The following PLPPR1 variants were observed in gnomAD, a reference collection of about 807,000 sequenced individuals.
PLPPR1 encodes phospholipid phosphatase related 1.
Under a neutral mutation model 33.1 loss-of-function variants are expected in PLPPR1, and 10 were observed. That is an observed-to-expected ratio of 0.30 (90% CI 0.19 to 0.51). The LOEUF is 0.51. Among genes scored for constraint, PLPPR1 ranks in the 20% least tolerant of loss-of-function variants. The pLI, the probability that PLPPR1 is intolerant of heterozygous loss-of-function variation, is 0.97. For missense variants in PLPPR1, 304 were observed against 408.1 expected (o/e 0.74, Z 2.20); for synonymous variants, 151 against 151.0 (o/e 1.00, Z 0.00).
intron 1 of PLPPR1, among the ~76,000 whole-genome samples, chr9:101,069,765 C>T (rs1830461444): frequency 6.6e-6 from 1 of 152,102 alleles, no homozygotes; most frequent in Admixed American, 6.6e-5. Flanking sequence ...TCAGCATCAT[C>T]TGGAAATTTG....
intron 4 of PLPPR1, among the ~76,000 whole-genome samples, chr9:101,294,114 G>C (rs1270952582): frequency 6.6e-6 from 1 of 152,062 alleles, no homozygotes; most frequent in Admixed American, 6.5e-5. Flanking sequence ...AAATGATAAA[G>C]GGGATATCAC....
intron 1 of PLPPR1, among the ~76,000 whole-genome samples, chr9:101,164,370 T>C (rs1177435239): frequency 3.3e-5 from 5 of 151,600 alleles, no homozygotes; most frequent in Admixed American, 1.3e-4. Flanking sequence ...CTTTTCTTTT[T>C]TTTTTTTTCT....
intron 2 of PLPPR1, among the ~76,000 whole-genome samples, chr9:101,258,519 A>C (rs1264162532): frequency 1.3e-5 from 2 of 152,216 alleles, no homozygotes; most frequent in Non-Finnish European, 2.9e-5. Flanking sequence ...AGTTTAACGA[A>C]AGATATAGCG....
intron 1 of PLPPR1, among the ~76,000 whole-genome samples, chr9:101,119,190 C>T (rs1049228378): frequency 2.0e-5 from 3 of 152,216 alleles, no homozygotes; most frequent in Admixed American, 6.5e-5. Context: ...ATGTTTAGTA[C>T]ATGAAAGGCG....
At chr9:101,263,465 T>C (rs986002040) in intron 2 of PLPPR1, among the ~76,000 whole-genome samples, 4 of 152,224 alleles carry the variant, frequency 2.6e-5, no homozygotes, top group Non-Finnish European at 5.9e-5. Context: ...GCTTACTTTA[T>C]TTGATGAAAG....
At chr9:101,157,471 G>C (rs532005775) in intron 1 of PLPPR1, among the ~76,000 whole-genome samples, 1 of 152,116 alleles carries the variant, frequency 6.6e-6, no homozygotes, top group Non-Finnish European at 1.5e-5. Context: ...CATCAATCCT[G>C]AATATGTGGA....
chr9:101,034,235 G>A (rs1029180415), intron 1 of PLPPR1, among the ~76,000 whole-genome samples: 1 of 152,064 alleles, frequency 6.6e-6, no homozygotes, highest in South Asian at 2.1e-4. Context: ...CAGGAGAGGA[G>A]AGAGAGAGGA....
intron 2 of PLPPR1, among the ~76,000 whole-genome samples, chr9:101,246,091 TATATATATATATATATATAG>T (rs1827602123): frequency 7.3e-5 from 8 of 110,102 alleles, no homozygotes; most frequent in Non-Finnish European, 1.2e-4. Context: ...TATATATATA[TATATATATATATATATATAG>T]ATAGATAGAT....
intron 1 of PLPPR1, among the ~76,000 whole-genome samples, chr9:101,078,093 A>G (rs956571276): frequency 7.8e-4 from 43 of 55,478 alleles, no homozygotes; most frequent in East Asian, 1.3e-3. Flanking sequence ...GGAGGAGGAG[A>G]AGGAGAAGGA....
At chr9:101,140,699 A>G (rs560062374) in intron 1 of PLPPR1, among the ~76,000 whole-genome samples, 1 of 152,332 alleles carries the variant, frequency 6.6e-6, no homozygotes, top group East Asian at 1.9e-4. Flanking sequence ...GAATAGGGAT[A>G]AAAAGATAAT....
At chr9:101,123,019 G>A (rs1005364649) in intron 1 of PLPPR1, among the ~76,000 whole-genome samples, 8 of 152,192 alleles carry the variant, frequency 5.3e-5, no homozygotes, top group Non-Finnish European at 7.3e-5. Context: ...CATCGGTATG[G>A]TAGATTCACC....
intron 1 of PLPPR1, among the ~76,000 whole-genome samples, chr9:101,155,133 G>C (rs1195936093): frequency 6.6e-6 from 1 of 151,772 alleles, no homozygotes; most frequent in African/African-American, 2.4e-5. Context: ...AAATGAGATT[G>C]TCTAACTGTC....
At chr9:101,194,481 G>A (rs753735443) in intron 2 of PLPPR1, among the ~76,000 whole-genome samples, 7 of 152,130 alleles carry the variant, frequency 4.6e-5, no homozygotes, top group Non-Finnish European at 7.3e-5. Flanking sequence ...CGGGCGTGGT[G>A]GCTCACACCT....
chr9:101,318,403 A>G (rs974810772), intron 7 of PLPPR1, among the ~76,000 whole-genome samples: 3 of 152,204 alleles, frequency 2.0e-5, no homozygotes, highest in Non-Finnish European at 4.4e-5. Flanking sequence ...TAGGAGCTTT[A>G]CAAATATATC....
At position 101,178,071 on chromosome 9, in the gene PLPPR1, A is replaced by G. The variant is rs142683534; in HGVS notation, c.-45-7379A>G. 7.2e-5 allele frequency among the ~76,000 whole-genome samples: 11 copies of G among 152,328 alleles called. No homozygotes were observed. In the East Asian group the frequency reaches 2.1e-3, roughly 29 times the overall value. On this transcript the variant is annotated intron_variant, in intron 1 of 7. Coordinates refer to ENST00000374874, the MANE Select transcript of PLPPR1 (RefSeq NM_207299.2). Reference sequence around the variant, plus strand: ...CACTGTGAAGTTATTTGTATCCCATATGAGTGCTTACCAATGGGTCACCTC... The same window carrying G: ...CACTGTGAAGTTATTTGTATCCCATGTGAGTGCTTACCAATGGGTCACCTC...
At position 101,277,554 on chromosome 9, in the gene PLPPR1, T is replaced by C. The variant is rs549076153; in HGVS notation, c.252+7486T>C. ...CTGCGATTGAAGCCCAGTTACATGA[T>C]TTCAGTTTCCCTTAACGAGCCCTCT... is the stretch of plus-strand genomic sequence containing the variant. On this transcript the variant is annotated intron_variant, in intron 3 of 7. Transcript: ENST00000374874. 5.3e-5 allele frequency among the ~76,000 whole-genome samples: 8 copies of C among 152,318 alleles called. No individual in the cohort carries two copies. In the South Asian group the frequency reaches 1.7e-3, roughly 32 times the overall value.
chr9:101,125,216 ACCTGTTAGTT>A lies in PLPPR1; in HGVS notation c.-45-60228_-45-60219del, dbSNP rs1445322421. On this transcript the variant is annotated intron_variant, in intron 1 of 7. Transcript: ENST00000374874. Reference sequence around the variant, plus strand: ...ATCTATCCCTATCTGTCCCTGTGGTACCTGTTAGTTCCTGTGAGTTCCTGCAAGTCCCTAT... The same window carrying A: ...ATCTATCCCTATCTGTCCCTGTGGTACCTGTGAGTTCCTGCAAGTCCCTAT... Among the ~76,000 whole-genome samples the A allele has an allele frequency of 9.9e-5, 15 of 151,906 alleles. 1 individual carries two copies. In the South Asian group the frequency reaches 1.9e-3, roughly 19 times the overall value.
At chr9:101,179,299 C>T (rs117787103) in intron 1 of PLPPR1, among the ~76,000 whole-genome samples, 3 of 152,166 alleles carry the variant, frequency 2.0e-5, no homozygotes, top group Non-Finnish European at 4.4e-5. Flanking sequence ...AAAAAAAGCA[C>T]AACCTGCTGA....
At chr9:101,297,780 T>C (rs893115467) in intron 4 of PLPPR1, among the ~76,000 whole-genome samples, 1 of 152,226 alleles carries the variant, frequency 6.6e-6, no homozygotes, top group Non-Finnish European at 1.5e-5. Flanking sequence ...CTCCTCTCTC[T>C]CATTTTTTCC....
Sources: allele counts gnomAD v4.1 joint callset (sites outside exome capture counted in the v4.1 genomes callset), GRCh38; gene constraint gnomAD v4.1.1; transcripts MANE v1.5; gene names NCBI Gene and HGNC (gene_info 2026-07-23, HGNC 2026-07-21).